The following THSD7B variants were observed in gnomAD, a reference collection of about 807,000 sequenced individuals.
THSD7B encodes the protein thrombospondin type 1 domain containing 7B, also known as thrombospondin type-1 domain-containing protein 7B.
THSD7B carries 138 observed loss-of-function variants against 213.6 expected under a neutral mutation model. The ratio of observed to expected loss-of-function variants is 0.65; its 90% CI spans 0.56 to 0.74. The LOEUF is 0.74. THSD7B is among the 30% of genes least tolerant of loss of function. The pLI, the probability that THSD7B is intolerant of heterozygous loss-of-function variation, is 0.00. For synonymous variants in THSD7B, 742 were observed against 687.0 expected (o/e 1.08, Z -1.25); for missense variants, 1,931 against 1,991.5 (o/e 0.97, Z 0.58).
chr2:136,961,890 T>G (rs540725954), intron 2 of THSD7B, among the ~76,000 whole-genome samples: 1 of 152,320 alleles, frequency 6.6e-6, no homozygotes, highest in South Asian at 2.1e-4. Context: ...TCATTGGTGG[T>G]AGGAAGACTA....
intron 12 of THSD7B, among the ~76,000 whole-genome samples, chr2:137,373,591 GA>G (rs1180646740): frequency 6.6e-6 from 1 of 152,126 alleles, no homozygotes; most frequent in Non-Finnish European, 1.5e-5. Context: ...GTAGATTCTG[GA>G]TATTAGCCCT....
At chr2:136,940,426 G>A (rs954187532) in intron 2 of THSD7B, among the ~76,000 whole-genome samples, 2 of 151,834 alleles carry the variant, frequency 1.3e-5, no homozygotes, top group African/African-American at 2.4e-5. Context: ...TGGACCCTAA[G>A]CTCTTTTTGA....
intron 7 of THSD7B, among the ~76,000 whole-genome samples, chr2:137,197,655 G>C (rs1558954989): frequency 6.6e-6 from 1 of 152,066 alleles, no homozygotes. Flanking sequence ...AGTACTGTTG[G>C]CGCTTTAGAA....
Position 137,571,887 on chromosome 2 carries a change from T to C in THSD7B, c.3273-519T>C, listed in dbSNP as rs141880704. On this transcript the variant is annotated intron_variant, in intron 16 of 27. Coordinates refer to ENST00000409968, the MANE Select transcript of THSD7B (RefSeq NM_001316349.2). ...ACCTGAAAGAATACCTATTCAGATA[T>C]TTTTCATATTACTTTGCCATGACTT... is the stretch of plus-strand genomic sequence containing the variant. 1.6e-4 allele frequency among the ~76,000 whole-genome samples: 24 copies of C among 152,290 alleles called. No individual in the cohort carries two copies. In the East Asian group the frequency reaches 3.9e-3, roughly 24 times the overall value.
At chr2:137,555,692 A>G (rs544449796) in intron 15 of THSD7B, among the ~76,000 whole-genome samples, 5 of 152,186 alleles carry the variant, frequency 3.3e-5, no homozygotes, top group Non-Finnish European at 5.9e-5. Context: ...AGCTGGACAG[A>G]GAATGACCTT....
At chr2:136,894,887 A>G (rs1304751632) in intron 2 of THSD7B, among the ~76,000 whole-genome samples, 2 of 152,092 alleles carry the variant, frequency 1.3e-5, no homozygotes, top group Non-Finnish European at 1.5e-5. Flanking sequence ...GGCCTCCAAT[A>G]TTTTCCTCTG....
At chr2:136,830,962 A>G (rs933607122) in intron 1 of THSD7B, among the ~76,000 whole-genome samples, 2 of 152,192 alleles carry the variant, frequency 1.3e-5, no homozygotes, top group Non-Finnish European at 2.9e-5. Flanking sequence ...ACTGCTTAGC[A>G]GAAAATGACA....
intron 15 of THSD7B, among the ~76,000 whole-genome samples, chr2:137,562,868 C>A (rs1345084860): frequency 6.6e-6 from 1 of 152,018 alleles, no homozygotes; most frequent in East Asian, 1.9e-4. Context: ...TCTGAGAATA[C>A]AATATACCAT....
chr2:137,072,588 C>A (rs1687519658), intron 3 of THSD7B, among the ~76,000 whole-genome samples: 1 of 152,034 alleles, frequency 6.6e-6, no homozygotes, highest in African/African-American at 2.4e-5. Context: ...AATTGAATAC[C>A]CTTTATTTCC....
chr2:137,500,868 G>T (rs2105135937), intron 15 of THSD7B, among the ~76,000 whole-genome samples: 1 of 152,254 alleles, frequency 6.6e-6, no homozygotes, highest in East Asian at 1.9e-4. Flanking sequence ...CTTAGAGCTT[G>T]GTAATTGCAC....
chr2:136,977,809 T>TTTTG (rs1558874163), intron 2 of THSD7B, among the ~76,000 whole-genome samples: 2 of 114,912 alleles, frequency 1.7e-5, no homozygotes, highest in African/African-American at 3.3e-5. Context: ...TTGTTTTTTT[T>TTTTG]TTTTTTTTTT....
At chr2:137,136,521 T>TAGGC in intron 5 of THSD7B, among the ~76,000 whole-genome samples, 1 of 152,272 alleles carries the variant, frequency 6.6e-6, no homozygotes, top group Admixed American at 6.5e-5. Context: ...TTGGTTGATG[T>TAGGC]AGGCCATAGC....
chr2:137,073,948 G>A (rs200537092), intron 3 of THSD7B, among the ~76,000 whole-genome samples: 13,271 of 152,242 alleles, frequency 0.087, 715 homozygotes, highest in East Asian at 0.17. Flanking sequence ...TGGTCTGAGA[G>A]ACAGTTTGTT....
chr2:137,306,497 G>A (rs1683748639), intron 12 of THSD7B, among the ~76,000 whole-genome samples: 1 of 151,982 alleles, frequency 6.6e-6, no homozygotes, highest in African/African-American at 2.4e-5. Flanking sequence ...AGAAGGATTT[G>A]TCAATGTGTT....
intron 15 of THSD7B, among the ~76,000 whole-genome samples, chr2:137,456,731 T>A (rs1687771665): frequency 6.6e-6 from 1 of 152,232 alleles, no homozygotes; most frequent in South Asian, 2.1e-4. Flanking sequence ...GAACTTGTTT[T>A]AAATGTGAAA....
At chr2:137,366,886 C>T (rs1685420340) in intron 12 of THSD7B, among the ~76,000 whole-genome samples, 1 of 151,856 alleles carries the variant, frequency 6.6e-6, no homozygotes, top group South Asian at 2.1e-4. Flanking sequence ...ATACTATTTC[C>T]CTTACAAAAA....
intron 12 of THSD7B, among the ~76,000 whole-genome samples, chr2:137,349,175 T>G (rs546881820): frequency 1.3e-5 from 2 of 151,804 alleles, no homozygotes; most frequent in South Asian, 4.1e-4. Context: ...GAATCATCCG[T>G]TCAAGTCTAT....
chr2:137,508,743 A>G (rs1222396544), intron 15 of THSD7B, among the ~76,000 whole-genome samples: 3 of 152,088 alleles, frequency 2.0e-5, no homozygotes, highest in South Asian at 4.1e-4. Context: ...TACTCAATTT[A>G]TGCCTGGGCA....
intron 2 of THSD7B, among the ~76,000 whole-genome samples, chr2:136,890,300 A>ACTCCTCCTCTT (rs1558839719): frequency 0.01 from 7 of 680 alleles, 2 homozygotes; most frequent in East Asian, 0.5. Context: ...TCCATGTCCT[A>ACTCCTCCTCTT]CTCCTTCTTC....
Sources: gnomAD v4.1 joint callset for allele counts (sites outside exome capture counted in the v4.1 genomes callset) on GRCh38, gnomAD v4.1.1 for gene constraint, MANE v1.5 for transcripts, NCBI Gene and HGNC (gene_info 2026-07-23, HGNC 2026-07-21) for gene names.